Variants in UGT1A9 observed in about 807,000 individuals in gnomAD.
UGT1A9 encodes the protein UDP-glucuronosyltransferase 1A9.
Under a neutral mutation model 45.0 loss-of-function variants are expected in UGT1A9, and 35 were observed. The ratio of observed to expected loss-of-function variants is 0.78; its 90% CI spans 0.59 to 1.03. The LOEUF (loss-of-function observed/expected upper bound fraction) is 1.03, where lower values mean the gene tolerates loss of function less well. UGT1A9 is among the 50% of genes least tolerant of loss of function. The probability of loss-of-function intolerance (pLI) is 0.00; values close to 1 mark genes in which losing one functional copy is unlikely to be tolerated. For missense variants in UGT1A9, 687 were observed against 666.6 expected (o/e 1.03, Z -0.34); for synonymous variants, 278 against 250.6 (o/e 1.11, Z -1.03).
chr2:233,749,081 G>T (rs958459779), intron 1 of UGT1A9, among the ~76,000 whole-genome samples: 3 of 151,758 alleles, frequency 2.0e-5, no homozygotes, highest in African/African-American at 7.3e-5. Context: ...TCCTTGGTGT[G>T]CCATGTATTT....
At chr2:233,738,083 T>G (rs1690690537) in intron 1 of UGT1A9, among the ~76,000 whole-genome samples, 1 of 152,170 alleles carries the variant, frequency 6.6e-6, no homozygotes, top group Admixed American at 6.5e-5. Context: ...CCTAATCTCA[T>G]CATAGTGAGT....
At chr2:233,745,000 A>T in intron 1 of UGT1A9, among the ~76,000 whole-genome samples, 1 of 151,770 alleles carries the variant, frequency 6.6e-6, no homozygotes, top group Non-Finnish European at 1.5e-5. Context: ...GATTACTTTT[A>T]CCTAATAAAT....
intron 1 of UGT1A9, among the ~76,000 whole-genome samples, chr2:233,746,725 G>A (rs1489490060): frequency 6.6e-6 from 1 of 151,774 alleles, no homozygotes; most frequent in Non-Finnish European, 1.5e-5. Flanking sequence ...AATTAGCAAT[G>A]GATTCTGCTT....
intron 1 of UGT1A9, chr2:233,729,455 T>G: frequency 2.5e-6 from 4 of 1,614,068 alleles, no homozygotes; most frequent in Non-Finnish European, 2.5e-6. Flanking sequence ...CTGAAGAAAT[T>G]TTTCAGAAGT....
intron 1 of UGT1A9, among the ~76,000 whole-genome samples, chr2:233,732,565 C>G (rs891048525): frequency 2.0e-5 from 3 of 152,178 alleles, no homozygotes; most frequent in African/African-American, 7.2e-5. Context: ...AATAAGGAAT[C>G]CTTTCCCCAT....
At chr2:233,693,578 A>T (rs754174364) in intron 1 of UGT1A9, 1 of 1,614,192 alleles carries the variant, frequency 6.2e-7, no homozygotes, top group Non-Finnish European at 8.5e-7. Flanking sequence ...TGTGTCCTAC[A>T]TTCCCAGGTG....
intron 1 of UGT1A9, among the ~76,000 whole-genome samples, chr2:233,765,985 G>A (rs1019803782): frequency 1.3e-5 from 2 of 152,120 alleles, no homozygotes; most frequent in Admixed American, 6.5e-5. Flanking sequence ...TACAGCTCCT[G>A]AAGCTCCAGT....
At chr2:233,760,305 G>A (rs745957787) in intron 1 of UGT1A9, 6 of 1,613,702 alleles carry the variant, frequency 3.7e-6, no homozygotes, top group Non-Finnish European at 5.1e-6. Flanking sequence ...TGGAGTCCCA[G>A]GGCGGACGCC....
At chr2:233,768,544 T>C in intron 4 of UGT1A9, 105 bp downstream of exon 4, 1 of 1,425,890 alleles carries the variant, frequency 7.0e-7, no homozygotes, top group South Asian at 1.4e-5. Context: ...GTTTCAAATA[T>C]AAAAACAAAT....
rs1191731023 is a variant in UGT1A9, at chr2:233,773,247, T to C, written c.*688T>C. ...ATGAAGTGCTGGGCAAGTTTACTTTTTTTCTGATGTTTCCTACAACTAAAA... is the reference window on the plus strand; with the variant it reads ...ATGAAGTGCTGGGCAAGTTTACTTTCTTTCTGATGTTTCCTACAACTAAAA... On this transcript the variant is annotated 3_prime_UTR_variant, in exon 5 of 5. Coordinates refer to ENST00000354728, the MANE Select transcript of UGT1A9 (RefSeq NM_021027.3). The C allele has an allele frequency of 6.6e-6, 1 of 152,354 alleles. No homozygotes were observed. Among genetic ancestry groups the C allele is most frequent in the Admixed American group, 6.5e-5 (1 of 15,284 alleles). 9.4% of individuals were successfully genotyped at this position (152,354 alleles called of 1,614,324 possible).
chr2:233,761,127 C>A lies in UGT1A9; in HGVS notation c.856-5907C>A, dbSNP rs281865418. 1.2e-6 allele frequency: 2 copies of A among 1,614,174 alleles called. No individual in the cohort carries two copies. Among genetic ancestry groups the A allele is most frequent in the South Asian group, 1.1e-5 (1 of 91,074 alleles). On this transcript the variant is annotated intron_variant, in intron 1 of 4. Transcript: ENST00000354728. ...TGGTTTTTGTTGGTGGAATCAACTGCCTTCACCAAAATCCACTATCCCAGG... is the reference window on the plus strand; with the variant it reads ...TGGTTTTTGTTGGTGGAATCAACTGACTTCACCAAAATCCACTATCCCAGG...
In UGT1A9 at chr2:233,734,906, CA is replaced by C. The variant is rs200128219; in HGVS notation, c.856-32127del. Reference sequence around the variant, plus strand: ...GTTTGTTGTGATTTCTATTCTTTTACATTTGCTAAGGAGTGCTTTACTTACA... The same window carrying C: ...GTTTGTTGTGATTTCTATTCTTTTACTTTGCTAAGGAGTGCTTTACTTACA... On this transcript the variant is annotated intron_variant, in intron 1 of 4. Coordinates refer to ENST00000354728, the MANE Select transcript of UGT1A9 (RefSeq NM_021027.3). Among the ~76,000 whole-genome samples, 55 of 152,278 alleles carry C rather than the reference CA, an allele frequency of 3.6e-4. No homozygotes were observed. The East Asian group carries it at 0.011, about 29-fold the overall frequency.
At chr2:233,685,588 G>A (rs17864689) in intron 1 of UGT1A9, among the ~76,000 whole-genome samples, 1 of 152,124 alleles carries the variant, frequency 6.6e-6, no homozygotes, top group Admixed American at 6.5e-5. Context: ...CAAGCCCAAG[G>A]CCTCCCTCCA....
chr2:233,749,416 T>G (rs1694186669), intron 1 of UGT1A9, among the ~76,000 whole-genome samples: 1 of 151,944 alleles, frequency 6.6e-6, no homozygotes, highest in Non-Finnish European at 1.5e-5. Context: ...GTTAACTACA[T>G]TGCTCAAAAC....
intron 1 of UGT1A9, among the ~76,000 whole-genome samples, chr2:233,717,476 A>C (rs2076577625): frequency 6.6e-6 from 1 of 152,234 alleles, no homozygotes; most frequent in Non-Finnish European, 1.5e-5. Context: ...TTGTGTCCAA[A>C]GGTGGAATCT....
chr2:233,746,228 CA>C (rs1693331108), intron 1 of UGT1A9, among the ~76,000 whole-genome samples: 1 of 151,630 alleles, frequency 6.6e-6, no homozygotes, highest in Non-Finnish European at 1.5e-5. Context: ...GACAGATATG[CA>C]AACTGCTAAA....
chr2:233,712,763 G>T (rs2125629904), intron 1 of UGT1A9, among the ~76,000 whole-genome samples: 1 of 152,292 alleles, frequency 6.6e-6, no homozygotes, highest in Non-Finnish European at 1.5e-5. Flanking sequence ...GCGAGCGCAA[G>T]GTCAGATGAG....
At chr2:233,713,794 C>T (rs772145580) in intron 1 of UGT1A9, 12 of 1,613,912 alleles carry the variant, frequency 7.4e-6, no homozygotes, top group East Asian at 2.2e-5. Flanking sequence ...TACCCCAGGC[C>T]GATCATGCCC....
Position 233,769,430 on chromosome 2 carries a change from C to A in UGT1A9, c.1295+991C>A. On this transcript the variant is annotated intron_variant, in intron 4 of 4. Transcript: ENST00000354728. This position sits in a 1 kb window ranked among gnomAD's most constrained non-coding sequence, Gnocchi z 4.4. ...GTGTGCGTTTGTGCATGTGGCTGTG[C>A]TCATGTGTGGGTGCACACGTGTGCA... 1 of 1,537,408 alleles carries A rather than the reference C, an allele frequency of 6.5e-7. No individual in the cohort carries two copies. Among genetic ancestry groups the A allele is most frequent in the Non-Finnish European group, 8.9e-7 (1 of 1,118,580 alleles).
Sources: allele counts gnomAD v4.1 joint callset (sites outside exome capture counted in the v4.1 genomes callset), GRCh38; gene constraint gnomAD v4.1.1; non-coding constraint Gnocchi (gnomAD v3.1); transcripts MANE v1.5; gene names NCBI Gene and HGNC (gene_info 2026-07-23, HGNC 2026-07-21).